The following ADGRB3 variants were observed in gnomAD, a reference collection of about 807,000 sequenced individuals.
ADGRB3 encodes adhesion G protein-coupled receptor B3, also known as brain-specific angiogenesis inhibitor 3.
In ADGRB3, 37 loss-of-function variants were observed where a neutral mutation model predicts 193.4. The observed-to-expected ratio is 0.19, with a 90% confidence interval of 0.15 to 0.25. The LOEUF (loss-of-function observed/expected upper bound fraction) is 0.25, where lower values mean the gene tolerates loss of function less well. Ranked by LOEUF, ADGRB3 falls within the 10% of genes least tolerant of loss-of-function variation. The pLI is 1.00. For synonymous variants in ADGRB3, 690 were observed against 644.2 expected (o/e 1.07, Z -1.08); for missense variants, 1,637 against 1,852.9 (o/e 0.88, Z 2.14).
chr6:68,727,068 C>T lies in ADGRB3; in HGVS notation c.757+87636C>T, dbSNP rs16900151. Among the ~76,000 whole-genome samples, 260 of 151,674 alleles carry T rather than the reference C, an allele frequency of 1.7e-3. 7 individuals carry two copies. The East Asian group carries it at 0.045, about 26-fold the overall frequency. On this transcript the variant is annotated intron_variant, in intron 3 of 31. Transcript: ENST00000370598. Reference sequence around the variant, plus strand: ...ACCTTAAGTCCTCTTGTCCAATATCCGTGTGGTAGCCCCTGTAAGCATTTG... The same window carrying T: ...ACCTTAAGTCCTCTTGTCCAATATCTGTGTGGTAGCCCCTGTAAGCATTTG...
At chr6:69,051,876 G>T (rs1339227132) in intron 15 of ADGRB3, among the ~76,000 whole-genome samples, 1 of 152,120 alleles carries the variant, frequency 6.6e-6, no homozygotes, top group Non-Finnish European at 1.5e-5. Context: ...AAATGGTCAA[G>T]GATTTTTTTC....
intron 20 of ADGRB3, among the ~76,000 whole-genome samples, chr6:69,277,531 A>G (rs960808936): frequency 6.6e-6 from 1 of 152,186 alleles, no homozygotes; most frequent in Non-Finnish European, 1.5e-5. Context: ...TTGTAGAGTC[A>G]GCACTCCCAA....
At position 68,729,902 on chromosome 6, in the gene ADGRB3, C is replaced by G. The variant is rs147783997; in HGVS notation, c.757+90470C>G. Among the ~76,000 whole-genome samples the G allele has an allele frequency of 3.2e-3, 481 of 151,532 alleles. 4 individuals are homozygous for G. The highest frequency in any genetic ancestry group is 0.011 in the African/African-American group (469 of 41,386). Reference sequence around the variant, plus strand: ...CCAAGTTATAAACTGGCAAAGTACTCTTATGAGCTCTGGAGATACAAAGAT... The same window carrying G: ...CCAAGTTATAAACTGGCAAAGTACTGTTATGAGCTCTGGAGATACAAAGAT... On this transcript the variant is annotated intron_variant, in intron 3 of 31. Coordinates refer to ENST00000370598, the MANE Select transcript of ADGRB3 (RefSeq NM_001704.3).
rs185772111 is a variant in ADGRB3 at position 69,155,451 on chromosome 6, A to G, written c.2481-77839A>G. On this transcript the variant is annotated intron_variant, in intron 17 of 31. Transcript: ENST00000370598. The stretch of plus-strand genomic sequence containing the variant: ...AAATTTCAGGAAAATACAAAATTCA[A>G]CATTATGCCATCATGTACCACAGGG... 2.0e-5 allele frequency among the ~76,000 whole-genome samples: 3 copies of G among 152,356 alleles called. No homozygotes were observed. The East Asian group carries it at 5.8e-4, about 29-fold the overall frequency.
At chr6:68,868,184 G>A (rs889507107) in intron 3 of ADGRB3, among the ~76,000 whole-genome samples, 1 of 152,166 alleles carries the variant, frequency 6.6e-6, no homozygotes, top group African/African-American at 2.4e-5. Flanking sequence ...GGTAGGAAGT[G>A]ACTGGATCAT....
intron 3 of ADGRB3, among the ~76,000 whole-genome samples, chr6:68,873,903 A>C (rs1765523399): frequency 6.6e-6 from 1 of 152,088 alleles, no homozygotes; most frequent in Non-Finnish European, 1.5e-5. Context: ...AAAAATTAGC[A>C]TATATTCTTT....
At chr6:69,139,615 T>G (rs1482331) in intron 17 of ADGRB3, among the ~76,000 whole-genome samples, 97,158 of 152,062 alleles carry the variant, frequency 0.64, 32,278 homozygotes, top group East Asian at 0.95. Context: ...TTATGTGGCA[T>G]TCACCTCTCC....
chr6:69,227,410 G>T (rs1465274270), intron 17 of ADGRB3, among the ~76,000 whole-genome samples: 1 of 152,158 alleles, frequency 6.6e-6, no homozygotes. Context: ...GGAGTGACAT[G>T]ATTTTTAGTG....
chr6:68,644,993 T>G (rs1169664442), intron 3 of ADGRB3, among the ~76,000 whole-genome samples: 1 of 152,182 alleles, frequency 6.6e-6, no homozygotes, highest in Non-Finnish European at 1.5e-5. Flanking sequence ...TTTGCATGTT[T>G]TCTTTTACTT....
intron 10 of ADGRB3, among the ~76,000 whole-genome samples, chr6:68,988,410 A>C (rs560199065): frequency 6.6e-6 from 1 of 152,258 alleles, no homozygotes; most frequent in African/African-American, 2.4e-5. Context: ...CAAAGACAGA[A>C]TCCATGATTA....
At chr6:68,657,538 G>A (rs776130809) in intron 3 of ADGRB3, among the ~76,000 whole-genome samples, 1 of 151,398 alleles carries the variant, frequency 6.6e-6, no homozygotes, top group Non-Finnish European at 1.5e-5. Context: ...GCAGGTGATA[G>A]GTGGGACTAT....
chr6:68,639,646 T>G (rs1477712087), intron 3 of ADGRB3, among the ~76,000 whole-genome samples: 1 of 152,162 alleles, frequency 6.6e-6, no homozygotes, highest in African/African-American at 2.4e-5. Flanking sequence ...CTCAGCAGCA[T>G]GCGCTGGAAG....
rs753349715 is a variant in ADGRB3 at position 69,354,253 on chromosome 6, C to T, written c.3480C>T (p.Cys1160=). The change falls in exon 27 of 32, where the codon TGC becomes TGT. Residue 1160 remains cysteine (C), a synonymous_variant. Transcript: ENST00000370598. The part of the protein sequence containing the change: ...LRREVQDAFR[C]RLRNCQDPIN... ...CACAGGTTCAGGATGCATTTAGATG[C>T]CGATTGAGAAACTGTCAGGATCCCA... The T allele has an allele frequency of 2.5e-6, 4 of 1,613,620 alleles. No individual in the cohort carries two copies. The South Asian group carries it at 3.3e-5, about 13-fold the overall frequency.
In ADGRB3 at chr6:69,372,383, C is replaced by T. The variant is rs1403293401; in HGVS notation, c.4240-23C>T. The T allele has an allele frequency of 2.3e-6, 3 of 1,302,476 alleles. No homozygotes were observed. The African/African-American group carries it at 4.6e-5, about 20-fold the overall frequency. 80.7% of individuals were successfully genotyped at this position (1,302,476 alleles called of 1,614,324 possible). On this transcript the variant is annotated intron_variant, in intron 29 of 31. Coordinates refer to ENST00000370598, the MANE Select transcript of ADGRB3 (RefSeq NM_001704.3). ...CATAACTTTATTGGTTTTTCTCCTT[C>T]TTTTTAAAAATATATCTTACAGAGA...
At chr6:69,149,255 G>A (rs1019538314) in intron 17 of ADGRB3, among the ~76,000 whole-genome samples, 2 of 151,642 alleles carry the variant, frequency 1.3e-5, no homozygotes, top group African/African-American at 4.8e-5. Flanking sequence ...TCCTCTGACT[G>A]TGTATTTTCA....
chr6:69,139,555 T>G (rs1774260511), intron 17 of ADGRB3, among the ~76,000 whole-genome samples: 1 of 152,242 alleles, frequency 6.6e-6, no homozygotes, highest in South Asian at 2.1e-4. Context: ...CATAAACTTA[T>G]ATATAGAAAA....
At chr6:68,873,522 A>T (rs1765514436) in intron 3 of ADGRB3, among the ~76,000 whole-genome samples, 1 of 152,178 alleles carries the variant, frequency 6.6e-6, no homozygotes, top group Non-Finnish European at 1.5e-5. Flanking sequence ...GCAGTGCATT[A>T]GCAAAAAGGA....
At chr6:68,874,749 G>T (rs1582273832) in intron 3 of ADGRB3, among the ~76,000 whole-genome samples, 2 of 152,190 alleles carry the variant, frequency 1.3e-5, no homozygotes, top group Admixed American at 1.3e-4. Context: ...TTTAAACACT[G>T]ATGACTGTGT....
chr6:68,667,640 A>G (rs1444430075), intron 3 of ADGRB3, among the ~76,000 whole-genome samples: 1 of 151,900 alleles, frequency 6.6e-6, no homozygotes, highest in African/African-American at 2.4e-5. Context: ...TGAGACTCCA[A>G]GGTTTTTTTA....
Sources: gnomAD v4.1 joint callset for allele counts (sites outside exome capture counted in the v4.1 genomes callset) on GRCh38, gnomAD v4.1.1 for gene constraint, MANE v1.5 for transcripts, NCBI Gene and HGNC (gene_info 2026-07-23, HGNC 2026-07-21) for gene names.